SCIMP: variants seen among roughly 807,000 people sequenced by gnomAD.
SCIMP encodes the protein SLP adapter and CSK-interacting membrane protein.
In SCIMP, 18 loss-of-function variants were observed where a neutral mutation model predicts 22.0. The ratio of observed to expected loss-of-function variants is 0.82; its 90% CI spans 0.56 to 1.21. The LOEUF is 1.21. Ranked by LOEUF, SCIMP falls within the 50% of genes most tolerant of loss-of-function variation. The pLI is 0.00. For missense variants in SCIMP, 155 were observed against 171.2 expected, an observed-to-expected ratio of 0.91 and a Z score of 0.53; for synonymous variants, 53 against 62.2, an observed-to-expected ratio of 0.85 and a Z score of 0.70.
intron 4 of SCIMP, among the ~76,000 whole-genome samples, chr17:5,212,600 C>T (rs557710224): frequency 5.3e-5 from 8 of 152,106 alleles, no homozygotes; most frequent in African/African-American, 1.9e-4. Flanking sequence ...CGCCACTGCA[C>T]TCCAGCCTGG....
Position 5,209,563 on chromosome 17 carries a change from T to C in SCIMP, c.*1238A>G, listed in dbSNP as rs1169309532. ...GAAATCTGAGTCACTCTCAGGCCTT[T>C]CCAGGTTCACAGTGCTCTCTCTGCA... On this transcript the variant is annotated 3_prime_UTR_variant, in exon 5 of 5. Transcript: ENST00000574081. 6.6e-6 allele frequency: 1 copy of C among 152,172 alleles called. No individual in the cohort carries two copies. Among genetic ancestry groups the C allele is most frequent in the Non-Finnish European group, 1.5e-5 (1 of 68,040 alleles). 9.4% of individuals were successfully genotyped at this position (152,172 alleles called of 1,614,324 possible).
intron 1 of SCIMP, chr17:5,223,659 C>T: frequency 2.0e-6 from 1 of 496,738 alleles, no homozygotes; most frequent in East Asian, 3.8e-5. Flanking sequence ...AAGTGATTCT[C>T]CTGCCTCAGC....
intron 1 of SCIMP, among the ~76,000 whole-genome samples, chr17:5,227,494 G>A (rs769964155): frequency 1.3e-5 from 2 of 152,144 alleles, no homozygotes; most frequent in East Asian, 1.9e-4. Flanking sequence ...GGGATTACAG[G>A]CGTGAGCCAC....
chr17:5,215,054 A>G, intron 3 of SCIMP, 56 bp from the exon 4 acceptor site: 1 of 1,059,256 alleles, frequency 9.4e-7, no homozygotes, highest in South Asian at 1.3e-5. Context: ...GCCTGCTCCC[A>G]GCCGATTTAA....
At chr17:5,229,042 G>A (rs1269243576) in intron 1 of SCIMP, among the ~76,000 whole-genome samples, 1 of 152,190 alleles carries the variant, frequency 6.6e-6, no homozygotes, top group African/African-American at 2.4e-5. Context: ...CCCGTCCTGC[G>A]CTGGCCATTG....
At chr17:5,228,578 G>C (rs577430470) in intron 1 of SCIMP, among the ~76,000 whole-genome samples, 2 of 152,012 alleles carry the variant, frequency 1.3e-5, no homozygotes, top group South Asian at 4.2e-4. Context: ...CCAGGGATTC[G>C]AGGCTACATT....
chr17:5,210,781 A>G lies in SCIMP; in HGVS notation c.*20T>C. Reference sequence around the variant, plus strand: ...TGTGTGAACCCTCTTCAGTTTTGCCAAAAAGAAGAAATGGCTGTTTCAAAA... The same window carrying G: ...TGTGTGAACCCTCTTCAGTTTTGCCGAAAAGAAGAAATGGCTGTTTCAAAA... On this transcript the variant is annotated 3_prime_UTR_variant, in exon 5 of 5. Coordinates refer to ENST00000574081, the MANE Select transcript of SCIMP (RefSeq NM_207103.3). 1 of 1,600,688 alleles carries G rather than the reference A, an allele frequency of 6.2e-7. No individual in the cohort carries two copies. Among genetic ancestry groups the G allele is most frequent in the Non-Finnish European group, 8.5e-7 (1 of 1,176,190 alleles).
chr17:5,218,531 G>A (rs2074582458), intron 3 of SCIMP, among the ~76,000 whole-genome samples: 1 of 152,084 alleles, frequency 6.6e-6, no homozygotes, highest in Non-Finnish European at 1.5e-5. Context: ...GTAGAGACAG[G>A]GTTTCACCAT....
intron 1 of SCIMP, among the ~76,000 whole-genome samples, chr17:5,229,098 G>A (rs1324468170): frequency 6.6e-6 from 1 of 152,200 alleles, no homozygotes; most frequent in African/African-American, 2.4e-5. Context: ...GCAATCCAAT[G>A]CTGGGGAGGT....
At position 5,221,365 on chromosome 17, in the gene SCIMP, G is replaced by A. The variant is rs1314481093; in HGVS notation, c.146-15C>T. The A allele has an allele frequency of 3.1e-6, 5 of 1,602,126 alleles. No homozygotes were observed. The highest frequency in any genetic ancestry group is 4.3e-6 in the Non-Finnish European group (5 of 1,169,210). ...CCATTTCTTGCCTAAGAGGGGAAAAGCATGTTCATTGAAGAAGAATTAGCA... is the reference window on the plus strand; with the variant it reads ...CCATTTCTTGCCTAAGAGGGGAAAAACATGTTCATTGAAGAAGAATTAGCA... On this transcript the variant is annotated splice_polypyrimidine_tract_variant and intron_variant, in intron 2 of 4. Coordinates refer to ENST00000574081, the MANE Select transcript of SCIMP (RefSeq NM_207103.3).
Position 5,234,759 on chromosome 17 carries a change from T to C in SCIMP, c.-4A>G, listed in dbSNP as rs774658696. On this transcript the variant is annotated 5_prime_UTR_variant, in exon 1 of 5. Coordinates refer to ENST00000574081, the MANE Select transcript of SCIMP (RefSeq NM_207103.3). ...CCTGAACTGTGAAAGTATCCATATGTGAGCAGCTAAGGAGACAGCAGTGGC... is the reference window on the plus strand; with the variant it reads ...CCTGAACTGTGAAAGTATCCATATGCGAGCAGCTAAGGAGACAGCAGTGGC... The C allele has an allele frequency of 1.2e-6, 2 of 1,610,744 alleles. No individual in the cohort carries two copies. Among genetic ancestry groups the C allele is most frequent in the Non-Finnish European group, 8.5e-7 (1 of 1,178,734 alleles).
chr17:5,222,964 C>T lies in SCIMP; in HGVS notation c.145+369G>A, dbSNP rs532913446. 4.7e-4 allele frequency among the ~76,000 whole-genome samples: 71 copies of T among 152,242 alleles called. 1 individual carries two copies. The highest frequency in any genetic ancestry group is 1.7e-3 in the African/African-American group (70 of 41,538). On this transcript the variant is annotated intron_variant, in intron 2 of 4. Coordinates refer to ENST00000574081, the MANE Select transcript of SCIMP (RefSeq NM_207103.3). ...ACAGGCATGAGCCACCACGCCCAGCCGAGACAGTTCTTAATATTCCATATA... is the reference window on the plus strand; with the variant it reads ...ACAGGCATGAGCCACCACGCCCAGCTGAGACAGTTCTTAATATTCCATATA...
At chr17:5,212,191 A>G (rs2074530673) in intron 4 of SCIMP, among the ~76,000 whole-genome samples, 1 of 152,246 alleles carries the variant, frequency 6.6e-6, no homozygotes, top group Non-Finnish European at 1.5e-5. Context: ...ATCTTTTCCT[A>G]AGAAAACCTG....
intron 1 of SCIMP, among the ~76,000 whole-genome samples, chr17:5,232,396 A>ACAGTG (rs71151850): frequency 9.1e-3 from 844 of 92,482 alleles, no homozygotes; most frequent in African/African-American, 0.02. Flanking sequence ...TGCAGTATAA[A>ACAGTG]CAGTATAAAC....
rs10681110 is a variant in SCIMP at position 5,227,292 on chromosome 17, A to AACACACACACACACACACAC, written c.22-3856_22-3837dup. On this transcript the variant is annotated intron_variant, in intron 1 of 4. Transcript: ENST00000574081. ...CCTGTCTCTATATACACACACACAC[A>AACACACACACACACACACAC]ACACACACACACACACACACACACA... Among the ~76,000 whole-genome samples the AACACACACACACACACACAC allele has an allele frequency of 1.7e-3, 242 of 144,314 alleles. 2 individuals are homozygous for AACACACACACACACACACAC. Among genetic ancestry groups the AACACACACACACACACACAC allele is most frequent in the African/African-American group, 3.3e-3 (126 of 38,534 alleles). The allele number at this position is 144,314 out of a possible 152,430, so 94.7% of individuals were successfully genotyped here.
intron 3 of SCIMP, among the ~76,000 whole-genome samples, chr17:5,218,512 G>A (rs2144318042): frequency 6.6e-6 from 1 of 152,202 alleles, no homozygotes; most frequent in Non-Finnish European, 1.5e-5. Context: ...GCTAATTTCT[G>A]TATTTTTAGT....
At chr17:5,220,090 G>T (rs559908754) in intron 3 of SCIMP, among the ~76,000 whole-genome samples, 1 of 152,274 alleles carries the variant, frequency 6.6e-6, no homozygotes, top group Admixed American at 6.5e-5. Flanking sequence ...CCTAAGAGTG[G>T]CCTTGGAGAT....
In SCIMP at chr17:5,210,793, T is replaced by C. The variant is rs2074520627; in HGVS notation, c.*8A>G. ...CTTCAGTTTTGCCAAAAAGAAGAAA[T>C]GGCTGTTTCAAAATGATGCTTTTTC... On this transcript the variant is annotated 3_prime_UTR_variant, in exon 5 of 5. Transcript: ENST00000574081. 6.9e-6 allele frequency: 11 copies of C among 1,602,620 alleles called. No individual in the cohort carries two copies. Among genetic ancestry groups the C allele is most frequent in the Non-Finnish European group, 9.3e-6 (11 of 1,177,208 alleles).
chr17:5,227,307 A>G (rs1223668882), intron 1 of SCIMP, among the ~76,000 whole-genome samples: 1 of 151,240 alleles, frequency 6.6e-6, no homozygotes, highest in Admixed American at 6.6e-5. Flanking sequence ...ACACACACAC[A>G]CACACACACA....
Sources: gnomAD v4.1 joint callset for allele counts (sites outside exome capture counted in the v4.1 genomes callset) on GRCh38, gnomAD v4.1.1 for gene constraint, MANE v1.5 for transcripts, NCBI Gene and HGNC (gene_info 2026-07-23, HGNC 2026-07-21) for gene names.